The following MMP26 variants were observed in gnomAD, a reference collection of about 807,000 sequenced individuals.
The protein encoded by MMP26 is matrix metalloproteinase-26.
MMP26 carries 33 observed loss-of-function variants against 31.0 expected under a neutral mutation model. The ratio of observed to expected loss-of-function variants is 1.06; its 90% CI spans 0.81 to 1.42. The LOEUF is 1.42. Ranked by LOEUF, MMP26 falls within the 40% of genes most tolerant of loss-of-function variation. MMP26 has a pLI of 0.00. For missense variants in MMP26, 347 were observed against 316.1 expected, an observed-to-expected ratio of 1.10 and a Z score of -0.74; for synonymous variants, 122 against 114.9, an observed-to-expected ratio of 1.06 and a Z score of -0.40.
At chr11:4,849,827 T>C (rs376510097) in intron 2 of MMP26, among the ~76,000 whole-genome samples, 16 of 152,346 alleles carry the variant, frequency 1.1e-4, no homozygotes, top group African/African-American at 3.8e-4. Flanking sequence ...CCCTATGATT[T>C]ATACATGGGT....
intron 2 of MMP26, among the ~76,000 whole-genome samples, chr11:4,964,149 A>G (rs1846558647): frequency 6.6e-6 from 1 of 151,984 alleles, no homozygotes; most frequent in South Asian, 2.1e-4. Context: ...GTTTTGTTGC[A>G]ATTGCTTTTC....
intron 2 of MMP26, among the ~76,000 whole-genome samples, chr11:4,953,506 C>G (rs1244038439): frequency 2.4e-5 from 3 of 122,976 alleles, no homozygotes; most frequent in African/African-American, 5.5e-5. Context: ...AAGAGAGGGT[C>G]ATAATACAAG....
At chr11:4,941,640 TGCTTG>T (rs1412504802) in intron 2 of MMP26, among the ~76,000 whole-genome samples, 33 of 152,218 alleles carry the variant, frequency 2.2e-4, no homozygotes, top group Non-Finnish European at 4.6e-4. Context: ...AAGACCATCA[TGCTTG>T]AGGCATGCTG....
chr11:4,927,165 G>A (rs1851284729), intron 2 of MMP26, among the ~76,000 whole-genome samples: 2 of 152,116 alleles, frequency 1.3e-5, no homozygotes, highest in Admixed American at 1.3e-4. Flanking sequence ...ACTCCCTCTG[G>A]CTCCTGTTCC....
chr11:4,772,425 G>A (rs988364208), intron 2 of MMP26, among the ~76,000 whole-genome samples: 2 of 141,740 alleles, frequency 1.4e-5, no homozygotes, highest in Non-Finnish European at 3.2e-5. Flanking sequence ...CAGTCTCTAG[G>A]CTCCTATGCC....
At chr11:4,796,143 T>C (rs1849105842) in intron 2 of MMP26, among the ~76,000 whole-genome samples, 1 of 152,186 alleles carries the variant, frequency 6.6e-6, no homozygotes, top group South Asian at 2.1e-4. Context: ...GTAGAGCCTG[T>C]CTGTTGCTCT....
intron 1 of MMP26, chr11:4,719,363 C>G (rs1847980082): frequency 6.5e-6 from 1 of 153,406 alleles, no homozygotes; most frequent in Non-Finnish European, 1.5e-5. Context: ...GGGGCTGTTG[C>G]TGTATTTTAC....
intron 2 of MMP26, chr11:4,914,425 G>A (rs1486049765): frequency 1.7e-5 from 5 of 295,666 alleles, no homozygotes; most frequent in Non-Finnish European, 3.1e-5. Flanking sequence ...TTCAAGGGGA[G>A]AAGAAGTAGA....
At chr11:4,748,336 T>C (rs1171040856) in intron 1 of MMP26, among the ~76,000 whole-genome samples, 1 of 151,948 alleles carries the variant, frequency 6.6e-6, no homozygotes, top group Non-Finnish European at 1.5e-5. Flanking sequence ...CAGAACCAGA[T>C]GGATTAACAG....
chr11:4,781,553 C>CAAAAAAAAA (rs780005906), intron 2 of MMP26, among the ~76,000 whole-genome samples: 3 of 15,192 alleles, frequency 2.0e-4, no homozygotes, highest in Non-Finnish European at 2.8e-4. Context: ...GACTCCGTCT[C>CAAAAAAAAA]AAAAAAAAAA....
chr11:4,885,535 T>C (rs1262557599), intron 2 of MMP26, among the ~76,000 whole-genome samples: 2 of 152,138 alleles, frequency 1.3e-5, no homozygotes, highest in Non-Finnish European at 2.9e-5. Context: ...TTTTGTAGTC[T>C]AGGAGCAATA....
intron 1 of MMP26, among the ~76,000 whole-genome samples, chr11:4,733,559 A>G (rs1589886217): frequency 6.6e-6 from 1 of 152,024 alleles, no homozygotes; most frequent in African/African-American, 2.4e-5. Context: ...ATTAGTTTTA[A>G]TATTTAGTAG....
chr11:4,774,429 T>G (rs1848765643), intron 2 of MMP26, among the ~76,000 whole-genome samples: 1 of 152,216 alleles, frequency 6.6e-6, no homozygotes, highest in African/African-American at 2.4e-5. Flanking sequence ...TGTCTTCTTT[T>G]GAGAAGTGTC....
chr11:4,849,533 C>T (rs757154213), intron 2 of MMP26, among the ~76,000 whole-genome samples: 11 of 152,038 alleles, frequency 7.2e-5, no homozygotes, highest in Admixed American at 2.6e-4. Flanking sequence ...TTTTCCCTCC[C>T]TTTATGACAA....
At chr11:4,831,404 C>G (rs771180384) in intron 2 of MMP26, among the ~76,000 whole-genome samples, 4 of 152,178 alleles carry the variant, frequency 2.6e-5, no homozygotes, top group Admixed American at 6.5e-5. Flanking sequence ...TTGAAGATCT[C>G]TCTGAGGTTT....
At chr11:4,832,808 G>A (rs770219930) in intron 2 of MMP26, 2 of 170,712 alleles carry the variant, frequency 1.2e-5, no homozygotes, top group Non-Finnish European at 2.6e-5. Flanking sequence ...TGAAGACTGT[G>A]TTGGGTATTG....
At chr11:4,828,122 G>A (rs990097671) in intron 2 of MMP26, among the ~76,000 whole-genome samples, 4 of 152,090 alleles carry the variant, frequency 2.6e-5, no homozygotes, top group Non-Finnish European at 4.4e-5. Flanking sequence ...ACATTTTTCT[G>A]AATGTGAAAA....
chr11:4,758,301 T>G (rs949647195), intron 1 of MMP26, among the ~76,000 whole-genome samples: 2 of 151,662 alleles, frequency 1.3e-5, no homozygotes, highest in African/African-American at 4.8e-5. Context: ...AGACAATATT[T>G]CAAAAAAAGA....
intron 2 of MMP26, chr11:4,848,629 G>A (rs142743963): frequency 9.2e-5 from 148 of 1,611,002 alleles, no homozygotes; most frequent in Non-Finnish European, 1.2e-4. Flanking sequence ...CAGGCCAAAC[G>A]AGCCACATCT....
Sources: gnomAD v4.1 joint callset for allele counts (sites outside exome capture counted in the v4.1 genomes callset) on GRCh38, gnomAD v4.1.1 for gene constraint, MANE v1.5 for transcripts, NCBI Gene and HGNC (gene_info 2026-07-23, HGNC 2026-07-21) for gene names.